Variants in TTC29 observed in about 807,000 individuals in gnomAD.
The protein encoded by TTC29 is tetratricopeptide repeat domain 29, also known as tetratricopeptide repeat protein 29.
TTC29 carries 49 observed loss-of-function variants against 58.1 expected under a neutral mutation model. The observed-to-expected ratio is 0.84, with a 90% confidence interval of 0.67 to 1.07. The LOEUF is 1.07. TTC29 is among the 50% of genes least tolerant of loss of function. TTC29 has a pLI of 0.00. For synonymous variants in TTC29, 209 were observed against 196.8 expected, an observed-to-expected ratio of 1.06 and a Z score of -0.52; for missense variants, 582 against 555.6, an observed-to-expected ratio of 1.05 and a Z score of -0.48.
intron 7 of TTC29, among the ~76,000 whole-genome samples, chr4:146,873,315 C>G (rs566320235): frequency 3.2e-4 from 48 of 152,160 alleles, no homozygotes; most frequent in African/African-American, 1.0e-3. Context: ...ATCCTTTAAC[C>G]TATGTACTTT....
chr4:146,769,360 T>A (rs1417178483), intron 11 of TTC29, among the ~76,000 whole-genome samples: 1 of 152,022 alleles, frequency 6.6e-6, no homozygotes, highest in African/African-American at 2.4e-5. Flanking sequence ...ATTTTCCTGA[T>A]TTCTAGAATT....
intron 11 of TTC29, among the ~76,000 whole-genome samples, chr4:146,752,949 T>C (rs1392601883): frequency 6.6e-6 from 1 of 152,170 alleles, no homozygotes; most frequent in Non-Finnish European, 1.5e-5. Flanking sequence ...ATAAAAACCC[T>C]AGAAGAAAAC....
intron 11 of TTC29, among the ~76,000 whole-genome samples, chr4:146,799,807 T>A (rs977680691): frequency 6.6e-6 from 1 of 152,234 alleles, no homozygotes; most frequent in Admixed American, 6.5e-5. Flanking sequence ...ATTTCTAGGT[T>A]GACACTGCTA....
At chr4:146,930,042 A>G (rs6848510) in intron 4 of TTC29, among the ~76,000 whole-genome samples, 1 of 144,918 alleles carries the variant, frequency 6.9e-6, no homozygotes, top group Non-Finnish European at 1.5e-5. Context: ...ATATATATAT[A>G]TTTATGAAGA....
At chr4:146,767,689 A>G (rs951744069) in intron 11 of TTC29, among the ~76,000 whole-genome samples, 1 of 152,060 alleles carries the variant, frequency 6.6e-6, no homozygotes, top group Non-Finnish European at 1.5e-5. Flanking sequence ...TTTCTCAAGG[A>G]TACATGCATA....
chr4:146,737,199 A>C (rs1744766172), intron 11 of TTC29, among the ~76,000 whole-genome samples: 1 of 152,158 alleles, frequency 6.6e-6, no homozygotes, highest in Non-Finnish European at 1.5e-5. Context: ...GCAAGAGGGC[A>C]ATGGAAACCT....
At chr4:146,769,341 A>C (rs1166961519) in intron 11 of TTC29, among the ~76,000 whole-genome samples, 3 of 151,986 alleles carry the variant, frequency 2.0e-5, no homozygotes, top group Admixed American at 6.6e-5. Context: ...TCTAATATTC[A>C]AGCTTAATAT....
chr4:146,773,875 G>A (rs1227414836), intron 11 of TTC29, among the ~76,000 whole-genome samples: 2 of 151,286 alleles, frequency 1.3e-5, no homozygotes, highest in Admixed American at 6.6e-5. Context: ...TCTGGTCCTG[G>A]GTTTCTTCTT....
At chr4:146,739,798 G>A (rs546161080) in intron 11 of TTC29, among the ~76,000 whole-genome samples, 2 of 152,220 alleles carry the variant, frequency 1.3e-5, no homozygotes, top group Non-Finnish European at 2.9e-5. Context: ...TATAGATGGC[G>A]GTAATAGGTA....
intron 11 of TTC29, among the ~76,000 whole-genome samples, chr4:146,770,019 G>T (rs77263425): frequency 0.031 from 4,716 of 152,028 alleles, 237 homozygotes; most frequent in African/African-American, 0.11. Context: ...TCAAGCAAGT[G>T]GGGGCACTGG....
intron 8 of TTC29, among the ~76,000 whole-genome samples, chr4:146,835,201 C>T (rs1728426333): frequency 6.6e-6 from 1 of 151,534 alleles, no homozygotes; most frequent in Admixed American, 6.6e-5. Context: ...TATACTTTAC[C>T]TAATGTTAAA....
At chr4:146,825,680 C>T (rs1416206629) in intron 9 of TTC29, among the ~76,000 whole-genome samples, 1 of 152,126 alleles carries the variant, frequency 6.6e-6, no homozygotes, top group African/African-American at 2.4e-5. Flanking sequence ...TCTCGTTAAT[C>T]TGCCTAATAC....
chr4:146,902,333 A>T (rs1166961853), intron 6 of TTC29, among the ~76,000 whole-genome samples: 2 of 152,176 alleles, frequency 1.3e-5, no homozygotes, highest in Non-Finnish European at 2.9e-5. Context: ...ATCACAAAAA[A>T]ATAATGGGTA....
intron 4 of TTC29, among the ~76,000 whole-genome samples, chr4:146,918,978 T>G (rs1238987748): frequency 6.6e-6 from 1 of 151,182 alleles, no homozygotes; most frequent in Non-Finnish European, 1.5e-5. Flanking sequence ...AAAACTTCTC[T>G]AGTAGTCTGG....
intron 10 of TTC29, among the ~76,000 whole-genome samples, chr4:146,817,225 T>G (rs1751473099): frequency 6.6e-6 from 1 of 152,182 alleles, no homozygotes; most frequent in Admixed American, 6.6e-5. Context: ...ATAAGCAACT[T>G]CAGCAAAGTC....
intron 11 of TTC29, among the ~76,000 whole-genome samples, chr4:146,753,430 A>G (rs1215203622): frequency 1.3e-5 from 2 of 152,216 alleles, no homozygotes; most frequent in African/African-American, 4.8e-5. Context: ...GTGGAGAAAT[A>G]GGAACACTTT....
intron 8 of TTC29, among the ~76,000 whole-genome samples, chr4:146,835,261 C>A (rs749974200): frequency 6.6e-6 from 1 of 151,994 alleles, no homozygotes; most frequent in Non-Finnish European, 1.5e-5. Flanking sequence ...CTCTTAATAA[C>A]CCTTGTGTAA....
In TTC29 at chr4:146,803,616, G is replaced by A; in HGVS notation, c.1171C>T (p.Pro391Ser). The change falls in exon 11 of 13, where the codon CCT (proline) becomes TCT (serine). Residue 391 changes from proline (P) to serine (S), a missense_variant. By Grantham distance (74) the Pro-to-Ser change is moderately conservative. Coordinates refer to ENST00000325106, the MANE Select transcript of TTC29 (RefSeq NM_031956.4). ...TGAACTTTTGTCTCATCCATCAGAG[G>A]CATGCTCATTAGCTCTACTGTTGTG... is the stretch of plus-strand genomic sequence containing the variant. ...FDTTVELMSMPLMDETKVHYG... is the reference protein window; with the variant it reads ...FDTTVELMSMSLMDETKVHYG... 3 of 1,609,504 alleles carry A rather than the reference G, an allele frequency of 1.9e-6. No individual in the cohort carries two copies. The highest frequency in any genetic ancestry group is 2.5e-6 in the Non-Finnish European group (3 of 1,177,660).
At chr4:146,869,999 A>T (rs889170855) in intron 7 of TTC29, among the ~76,000 whole-genome samples, 26 of 152,098 alleles carry the variant, frequency 1.7e-4, no homozygotes, top group African/African-American at 5.5e-4. Flanking sequence ...AAAGAGAGAG[A>T]AAATAAATAA....
Sources: gnomAD v4.1 joint callset for allele counts (sites outside exome capture counted in the v4.1 genomes callset) on GRCh38, gnomAD v4.1.1 for gene constraint, MANE v1.5 for transcripts, NCBI Gene and HGNC (gene_info 2026-07-23, HGNC 2026-07-21) for gene names.